KMT2C: variants seen among roughly 807,000 people sequenced by gnomAD.
KMT2C encodes lysine methyltransferase 2C, also known as histone-lysine N-methyltransferase 2C.
A neutral mutation model predicts 507.9 loss-of-function variants in KMT2C; 88 were observed. The observed-to-expected ratio is 0.17, with a 90% CI of 0.15 to 0.21. The LOEUF is 0.21. Ranked by LOEUF, KMT2C falls within the 10% of genes least tolerant of loss-of-function variation. The pLI, the probability that KMT2C is intolerant of heterozygous loss-of-function variation, is 1.00. For synonymous variants in KMT2C, 2,049 were observed against 2,080.8 expected (o/e 0.98, Z 0.42); for missense variants, 4,954 against 5,957.8 (o/e 0.83, Z 5.55).
chr7:152,153,006 C>T (rs780177111), intron 48 of KMT2C, 52 bp from the exon 49 acceptor site: 1 of 1,595,260 alleles, frequency 6.3e-7, no homozygotes. Flanking sequence ...AACAGTGAAC[C>T]ACTGAAGAAA....
At chr7:152,417,815 G>A (rs1398659902) in intron 1 of KMT2C, among the ~76,000 whole-genome samples, 1 of 151,298 alleles carries the variant, frequency 6.6e-6, no homozygotes, top group South Asian at 2.1e-4. Flanking sequence ...CTAATTTTTT[G>A]TATCTTTTAG....
At chr7:152,372,609 T>C (rs923117683) in intron 1 of KMT2C, among the ~76,000 whole-genome samples, 1 of 152,158 alleles carries the variant, frequency 6.6e-6, no homozygotes, top group African/African-American at 2.4e-5. Context: ...TAAAATAAAA[T>C]AGACTTTGAG....
At chr7:152,270,019 C>T (rs113436596) in intron 7 of KMT2C, among the ~76,000 whole-genome samples, 1 of 152,128 alleles carries the variant, frequency 6.6e-6, no homozygotes. Flanking sequence ...TGAACAGCAA[C>T]AAAAGTCAAA....
At position 152,194,111 on chromosome 7, in the gene KMT2C, C is replaced by A; in HGVS notation, c.4558G>T (p.Val1520Phe). 1 of 1,576,528 alleles carries A rather than the reference C, an allele frequency of 6.3e-7. No homozygotes were observed. The highest frequency in any genetic ancestry group is 8.6e-7 in the Non-Finnish European group (1 of 1,167,430). ...AGTACAGCTGTAAATAAGTCTTCAA[C>A]ATCTTTTCCGCCAAGCTCTAGGAGA... ...YKIPELGGKD[V>F]EDLFTAVLSP... Residue 1520 changes from valine (V) to phenylalanine (F), a missense_variant, in exon 31 of 59, where the codon GTT becomes TTT. Physicochemically the swap from Val to Phe is conservative, Grantham distance 50 (BLOSUM62 -1). Around this residue, in one of 29 missense-constraint regions of KMT2C, gnomAD observed 195 missense variants for 183.7 expected, o/e 1.06. Transcript: ENST00000262189.
At chr7:152,365,504 T>TCAAACAAA (rs112555469) in intron 1 of KMT2C, among the ~76,000 whole-genome samples, 6 of 152,204 alleles carry the variant, frequency 3.9e-5, no homozygotes, top group African/African-American at 1.4e-4. Context: ...AGACCCTGTC[T>TCAAACAAA]CAAACAAACA....
chr7:152,290,258 G>GTATATATATATATATATA (rs746466676), intron 6 of KMT2C, among the ~76,000 whole-genome samples: 3 of 26,240 alleles, frequency 1.1e-4, no homozygotes, highest in African/African-American at 2.8e-4. Flanking sequence ...GTGTGTATGT[G>GTATATATATATATATATA]TATATATATA....
rs2094815179 is a variant in KMT2C at position 152,222,775 on chromosome 7, T to G, written c.3324-93A>C. ...ACCTGTAACACTGAGTCTTCAAACTTAAAAGCCCTAAGCCTCACATGCTCC... is the reference window on the plus strand; with the variant it reads ...ACCTGTAACACTGAGTCTTCAAACTGAAAAGCCCTAAGCCTCACATGCTCC... On this transcript the variant is annotated intron_variant, in intron 20 of 58. Coordinates refer to ENST00000262189, the MANE Select transcript of KMT2C (RefSeq NM_170606.3). 2.4e-5 allele frequency: 17 copies of G among 720,064 alleles called. 1 individual carries two copies. The South Asian group carries it at 2.9e-4, about 12-fold the overall frequency. 44.6% of individuals were successfully genotyped at this position (720,064 alleles called of 1,614,324 possible). A position where few individuals can be genotyped will look rare whatever the true frequency, so the allele number is the denominator to read the frequency against.
intron 43 of KMT2C, among the ~76,000 whole-genome samples, chr7:152,160,942 G>T (rs1020817004): frequency 5.9e-5 from 9 of 152,018 alleles, no homozygotes; most frequent in Non-Finnish European, 1.0e-4. Flanking sequence ...TCTGGAAAAA[G>T]ATGACTCAAG....
chr7:152,232,951 C>A (rs2095167182), intron 16 of KMT2C, among the ~76,000 whole-genome samples: 1 of 152,060 alleles, frequency 6.6e-6, no homozygotes. Context: ...CTGAGCAGCT[C>A]AAAGAAATTG....
chr7:152,296,408 T>C (rs977960643), intron 6 of KMT2C, among the ~76,000 whole-genome samples: 5 of 136,156 alleles, frequency 3.7e-5, no homozygotes, highest in African/African-American at 8.8e-5. Context: ...CAATCCAGCC[T>C]GGGCGAAAGG....
chr7:152,327,971 A>G (rs4266556), intron 3 of KMT2C, among the ~76,000 whole-genome samples: 13,099 of 150,730 alleles, frequency 0.087, 1,271 homozygotes, highest in African/African-American at 0.24. Flanking sequence ...AAAAAAAAAA[A>G]AAAAGAAAAA....
chr7:152,243,160 G>A (rs955220095), intron 14 of KMT2C, among the ~76,000 whole-genome samples: 2 of 152,136 alleles, frequency 1.3e-5, no homozygotes, highest in African/African-American at 4.8e-5. Context: ...ACCTAATCCT[G>A]TTTTGATAAC....
chr7:152,217,948 G>C (rs191565659), intron 23 of KMT2C, among the ~76,000 whole-genome samples: 1 of 152,222 alleles, frequency 6.6e-6, no homozygotes, highest in East Asian at 1.9e-4. Flanking sequence ...AACATCCTCA[G>C]AAATGGAAAT....
At position 152,319,500 on chromosome 7, in the gene KMT2C, C is replaced by T. The variant is rs531706776; in HGVS notation, c.390-4162G>A. The stretch of plus-strand genomic sequence containing the variant: ...GGAAGACACCTGTTGCCAAGTGGAC[C>T]GTGGTCTAGCGGTAGCGTCAGTGTC... On this transcript the variant is annotated intron_variant, in intron 3 of 58. Transcript: ENST00000262189. Among the ~76,000 whole-genome samples, 21 of 152,146 alleles carry T rather than the reference C, an allele frequency of 1.4e-4. No homozygotes were observed. The East Asian group carries it at 2.1e-3, about 15-fold the overall frequency.
At chr7:152,213,203 T>G (rs1281742525) in intron 23 of KMT2C, among the ~76,000 whole-genome samples, 1 of 152,172 alleles carries the variant, frequency 6.6e-6, no homozygotes, top group African/African-American at 2.4e-5. Context: ...TTCACAAAAA[T>G]AGAAAACACA....
chr7:152,216,172 G>A (rs1423876081), intron 23 of KMT2C, among the ~76,000 whole-genome samples: 1 of 152,202 alleles, frequency 6.6e-6, no homozygotes, highest in Admixed American at 6.5e-5. Flanking sequence ...GAGGAAATGT[G>A]TTGTGTTTCC....
intron 1 of KMT2C, among the ~76,000 whole-genome samples, chr7:152,374,262 C>T (rs1207581184): frequency 6.6e-6 from 1 of 151,562 alleles, no homozygotes; most frequent in Non-Finnish European, 1.5e-5. Context: ...GTTGCAGTGA[C>T]CCGAGATTGC....
rs766230394 is a variant in KMT2C, at chr7:152,162,878, T to G, written c.10699A>C (p.Ser3567Arg). ...GTAGAATCTTGGCCACATGGGAGAC[T>G]GCTATTAGCTACTGGAGGTGCTGCT... ...LPAAPPVANSSLPCGQDSTIT... is the reference protein window; with the variant it reads ...LPAAPPVANSRLPCGQDSTIT... Residue 3567 changes from serine to arginine, a missense_variant, in exon 43 of 59, where the codon AGT becomes CGT. Transcript: ENST00000262189. The G allele has an allele frequency of 6.2e-7, 1 of 1,614,088 alleles. No individual in the cohort carries two copies. The highest frequency in any genetic ancestry group is 8.5e-7 in the Non-Finnish European group (1 of 1,180,030).
chr7:152,418,861 CAA>C (rs113222244), intron 1 of KMT2C, among the ~76,000 whole-genome samples: 46 of 132,308 alleles, frequency 3.5e-4, no homozygotes, highest in African/African-American at 1.1e-3. Context: ...AGTAGTATCA[CAA>C]AAAAAAAAAA....
Sources: allele counts gnomAD v4.1 joint callset (sites outside exome capture counted in the v4.1 genomes callset), GRCh38; gene constraint gnomAD v4.1.1; regional missense constraint gnomAD v4.1.1; transcripts MANE v1.5; gene names NCBI Gene and HGNC (gene_info 2026-07-23, HGNC 2026-07-21).